The following CTBP2 variants were observed in gnomAD, a reference collection of about 807,000 sequenced individuals.
CTBP2 encodes the protein C-terminal-binding protein 2.
CTBP2 carries 30 observed loss-of-function variants against 80.3 expected under a neutral mutation model. That is an observed-to-expected ratio of 0.37 (90% CI 0.28 to 0.51). The LOEUF (loss-of-function observed/expected upper bound fraction) is 0.51, where lower values mean the gene tolerates loss of function less well. CTBP2 is among the 20% of genes least tolerant of loss of function. The pLI is 0.93. For synonymous variants in CTBP2, 594 were observed against 587.4 expected, an observed-to-expected ratio of 1.01 and a Z score of -0.16; for missense variants, 1,212 against 1,375.3, an observed-to-expected ratio of 0.88 and a Z score of 1.88.
chr10:125,035,214 T>C (rs1163343626), intron 3 of CTBP2, among the ~76,000 whole-genome samples: 1 of 152,248 alleles, frequency 6.6e-6, no homozygotes, highest in Non-Finnish European at 1.5e-5. Context: ...TCTATGTGTT[T>C]CACAGAAACC....
intron 2 of CTBP2, among the ~76,000 whole-genome samples, chr10:125,064,631 T>C (rs1348287472): frequency 2.6e-5 from 4 of 152,260 alleles, no homozygotes; most frequent in Middle Eastern, 3.2e-3. Flanking sequence ...TTTAGAATCA[T>C]GTTCTTCAGG....
chr10:125,084,917 C>T (rs536651445), intron 2 of CTBP2, among the ~76,000 whole-genome samples: 476 of 152,336 alleles, frequency 3.1e-3, no homozygotes, highest in African/African-American at 0.01. Flanking sequence ...GTTCCGCCGT[C>T]GCCACGTCAG....
At chr10:125,152,501 T>A (rs1715861) in intron 1 of CTBP2, among the ~76,000 whole-genome samples, 3,737 of 152,360 alleles carry the variant, frequency 0.025, 162 homozygotes, top group African/African-American at 0.083. Context: ...AGCCTCTTTA[T>A]GACTTGGGGG....
intron 1 of CTBP2, among the ~76,000 whole-genome samples, chr10:125,129,141 T>C (rs1162968529): frequency 1.3e-5 from 2 of 152,180 alleles, no homozygotes; most frequent in Non-Finnish European, 1.5e-5. Context: ...ATGTATTATG[T>C]AGTATTACAT....
intron 1 of CTBP2, among the ~76,000 whole-genome samples, chr10:125,112,703 G>A (rs1293467538): frequency 6.6e-6 from 1 of 152,218 alleles, no homozygotes; most frequent in East Asian, 1.9e-4. Flanking sequence ...CTGGGATACA[G>A]GCATGAGCCA....
chr10:125,135,147 G>A (rs1286089143), intron 1 of CTBP2, among the ~76,000 whole-genome samples: 1 of 151,950 alleles, frequency 6.6e-6, no homozygotes, highest in Non-Finnish European at 1.5e-5. Flanking sequence ...CTGCACCCTG[G>A]GAGGAAACCA....
At chr10:125,086,723 G>A (rs1848042980) in intron 2 of CTBP2, among the ~76,000 whole-genome samples, 1 of 151,900 alleles carries the variant, frequency 6.6e-6, no homozygotes, top group Non-Finnish European at 1.5e-5. Context: ...CGAATCTGCT[G>A]GCATCTTGGT....
intron 7 of CTBP2, 149 bp downstream of exon 9, chr10:124,993,053 A>T (rs983311391): frequency 9.7e-7 from 1 of 1,031,686 alleles, no homozygotes; most frequent in Non-Finnish European, 1.4e-6. Context: ...TTCAGGGCTT[A>T]CGTAAATAAA....
chr10:125,034,301 G>A lies in CTBP2; in HGVS notation c.58+4696C>T, dbSNP rs76444622. On this transcript the variant is annotated intron_variant, in intron 3 of 10. Transcript: ENST00000337195. Reference sequence around the variant, plus strand: ...CCCACTCTGAGTTTCTCTTAAAGCCGGGGACAGATAAGGCAAAACATGAAA... The same window carrying A: ...CCCACTCTGAGTTTCTCTTAAAGCCAGGGACAGATAAGGCAAAACATGAAA... Among the ~76,000 whole-genome samples the A allele has an allele frequency of 4.6e-3, 703 of 152,308 alleles. 5 individuals are homozygous for A. Among genetic ancestry groups the A allele is most frequent in the African/African-American group, 0.016 (654 of 41,566 alleles).
chr10:124,992,209 CTTTTTTTTTTT>C (rs61400691), intron 8 of CTBP2, among the ~76,000 whole-genome samples: 1 of 102,496 alleles, frequency 9.8e-6, no homozygotes, highest in African/African-American at 3.6e-5. Context: ...TTGAGAAGCC[CTTTTTTTTTTT>C]TTTTTTTTGG....
rs544994400 is a variant in CTBP2 at position 125,157,116 on chromosome 10, G to A, written c.-206+3203C>T. 3.3e-5 allele frequency among the ~76,000 whole-genome samples: 5 copies of A among 152,318 alleles called. No homozygotes were observed. In the South Asian group the frequency reaches 6.2e-4, roughly 19 times the overall value. On this transcript the variant is annotated intron_variant, in intron 1 of 10. Coordinates refer to the CTBP2 transcript ENST00000337195. ...GTTCTTACTTTCTTAACTTTAGAGA[G>A]ATGTACTTTACGAATATCTTTCTCT...
chr10:125,037,643 G>A (rs918213294), intron 3 of CTBP2, among the ~76,000 whole-genome samples: 6 of 152,224 alleles, frequency 3.9e-5, no homozygotes, highest in African/African-American at 9.7e-5. Context: ...TAAACACAAT[G>A]CGTGACCCTT....
chr10:125,028,885 A>G (rs1957910647), upstream of CTBP2, among the ~76,000 whole-genome samples: 1 of 152,242 alleles, frequency 6.6e-6, no homozygotes, highest in African/African-American at 2.4e-5. Context: ...AAAGGACTTC[A>G]GGCGCAATAA....
At chr10:125,139,332 G>C (rs1857428295) in intron 1 of CTBP2, among the ~76,000 whole-genome samples, 2 of 132,178 alleles carry the variant, frequency 1.5e-5, no homozygotes, top group South Asian at 4.9e-4. Context: ...TTGCACCACT[G>C]TACAATCACT....
Position 125,081,120 on chromosome 10 carries a change from G to A in CTBP2, c.-102+29870C>T, listed in dbSNP as rs755328137. Reference sequence around the variant, plus strand: ...ACAACAGTGGGTCCTGAGCATTCCCGCCCAAAGTGCCCAACTCCAATCAGG... The same window carrying A: ...ACAACAGTGGGTCCTGAGCATTCCCACCCAAAGTGCCCAACTCCAATCAGG... On this transcript the variant is annotated intron_variant, in intron 2 of 10. Transcript: ENST00000337195. Among the ~76,000 whole-genome samples, 128 of 152,074 alleles carry A rather than the reference G, an allele frequency of 8.4e-4. 1 individual carries two copies. Among genetic ancestry groups the A allele is most frequent in the Non-Finnish European group, 2.2e-4 (15 of 68,026 alleles).
chr10:125,149,198 C>T (rs908501882), intron 1 of CTBP2, among the ~76,000 whole-genome samples: 1 of 152,128 alleles, frequency 6.6e-6, no homozygotes, highest in Non-Finnish European at 1.5e-5. Context: ...CAGGAAATGA[C>T]CATTCATGGG....
chr10:125,151,589 GCAGT>G (rs1294584904), intron 1 of CTBP2, among the ~76,000 whole-genome samples: 4 of 152,222 alleles, frequency 2.6e-5, no homozygotes, highest in African/African-American at 9.6e-5. Flanking sequence ...CCACCATCGC[GCAGT>G]CAATCAACGA....
intron 2 of CTBP2, among the ~76,000 whole-genome samples, chr10:125,085,946 C>T (rs1847903673): frequency 6.6e-6 from 1 of 152,264 alleles, no homozygotes; most frequent in African/African-American, 2.4e-5. Flanking sequence ...ACCGCACTGG[C>T]TCCTGCCCTG....
chr10:125,084,337 G>A (rs1300259341), intron 2 of CTBP2, among the ~76,000 whole-genome samples: 3 of 152,170 alleles, frequency 2.0e-5, no homozygotes, highest in African/African-American at 4.8e-5. Flanking sequence ...CACGGAGAAC[G>A]GTCCAGTCAT....
Sources: gnomAD v4.1 joint callset for allele counts (sites outside exome capture counted in the v4.1 genomes callset) on GRCh38, gnomAD v4.1.1 for gene constraint, MANE v1.5 for transcripts, NCBI Gene and HGNC (gene_info 2026-07-23, HGNC 2026-07-21) for gene names.